Variants in ROCK1 observed in about 807,000 individuals in gnomAD.
ROCK1 encodes rho-associated protein kinase 1.
ROCK1 carries 36 observed loss-of-function variants against 196.8 expected under a neutral mutation model. That is an observed-to-expected ratio of 0.18 (90% confidence interval 0.14 to 0.24). The LOEUF is 0.24. Among genes scored for constraint, ROCK1 ranks in the 10% least tolerant of loss-of-function variants. The pLI, the probability that ROCK1 is intolerant of heterozygous loss-of-function variation, is 1.00. For missense variants in ROCK1, 920 were observed against 1,562.0 expected (o/e 0.59, Z 6.93); for synonymous variants, 443 against 515.9 (o/e 0.86, Z 1.91).
chr18:21,097,239 C>T (rs2036620228), intron 1 of ROCK1, among the ~76,000 whole-genome samples: 1 of 152,176 alleles, frequency 6.6e-6, no homozygotes, highest in Non-Finnish European at 1.5e-5. Context: ...TGGAAAGCTG[C>T]TACGCTGTCC....
intron 11 of ROCK1, among the ~76,000 whole-genome samples, chr18:21,023,339 T>A (rs1429111443): frequency 6.6e-6 from 1 of 152,262 alleles, no homozygotes; most frequent in South Asian, 2.1e-4. Context: ...TAATGATACA[T>A]TGATATATCA....
chr18:20,969,247 T>G (rs754152502), intron 23 of ROCK1, 39 bp from the exon 24 acceptor site: 6 of 1,276,850 alleles, frequency 4.7e-6, no homozygotes, highest in Non-Finnish European at 6.7e-6. Context: ...CCAGCCTCTT[T>G]GCTATTCTCG....
chr18:20,972,744 G>C (rs1326168989), intron 22 of ROCK1, among the ~76,000 whole-genome samples: 1 of 152,190 alleles, frequency 6.6e-6, no homozygotes, highest in Non-Finnish European at 1.5e-5. Context: ...GAGTTGTTCT[G>C]TTAGCATGAT....
chr18:20,991,338 G>T lies in ROCK1; in HGVS notation c.1993-12C>A. 6.4e-7 allele frequency: 1 copy of T among 1,564,614 alleles called. No individual in the cohort carries two copies. ...AAATTATTCTTTTCCTGTAAAATGG[G>T]AGTAGGAGTCATGTAATAAACTGTG... On this transcript the variant is annotated splice_polypyrimidine_tract_variant and intron_variant, in intron 17 of 32. Transcript: ENST00000399799.
intron 5 of ROCK1, 61 bp from the exon 6 acceptor site, chr18:21,044,247 T>A: frequency 8.0e-7 from 1 of 1,255,300 alleles, no homozygotes. Flanking sequence ...GTAAAAATTA[T>A]ATGAGGCAGT....
intron 27 of ROCK1, among the ~76,000 whole-genome samples, chr18:20,963,778 C>A (rs952248954): frequency 1.3e-5 from 2 of 152,002 alleles, no homozygotes; most frequent in Admixed American, 1.3e-4. Context: ...CAACAGGCAC[C>A]CATAACCGTA....
intron 18 of ROCK1, among the ~76,000 whole-genome samples, chr18:20,990,592 G>C (rs2143406137): frequency 6.7e-6 from 1 of 149,292 alleles, no homozygotes; most frequent in South Asian, 2.2e-4. Context: ...TACTCGGGAG[G>C]CTGAGGCAGG....
chr18:21,052,598 G>A (rs552638780), intron 2 of ROCK1, among the ~76,000 whole-genome samples: 1 of 152,254 alleles, frequency 6.6e-6, no homozygotes, highest in East Asian at 1.9e-4. Flanking sequence ...CATGAGGTGA[G>A]CAGTGGGTAG....
intron 2 of ROCK1, among the ~76,000 whole-genome samples, chr18:21,064,480 A>G (rs1341023881): frequency 6.6e-6 from 1 of 152,218 alleles, no homozygotes; most frequent in Non-Finnish European, 1.5e-5. Flanking sequence ...AGTTTCTAAG[A>G]AAAACAGTCT....
In ROCK1 at chr18:21,053,348, C is replaced by T. The variant is rs190167782; in HGVS notation, c.176-3468G>A. The stretch of plus-strand genomic sequence containing the variant: ...AGAAATTTTACTGGGATGAGATACT[C>T]TGTTTTAAATTTTCTATTTTTTCTC... On this transcript the variant is annotated intron_variant, in intron 2 of 32. Transcript: ENST00000399799. 2.7e-3 allele frequency among the ~76,000 whole-genome samples: 408 copies of T among 151,944 alleles called. 7 individuals carry two copies. Among genetic ancestry groups the T allele is most frequent in the Admixed American group, 0.023 (354 of 15,262 alleles).
chr18:20,971,313 C>CACAA (rs1274298886), intron 22 of ROCK1, among the ~76,000 whole-genome samples: 1 of 29,360 alleles, frequency 3.4e-5, no homozygotes, highest in Non-Finnish European at 9.2e-5. Flanking sequence ...CATACACACA[C>CACAA]ACACACACAC....
chr18:21,028,219 C>T (rs1429062433), intron 10 of ROCK1, among the ~76,000 whole-genome samples: 2 of 150,978 alleles, frequency 1.3e-5, no homozygotes, highest in Admixed American at 6.6e-5. Context: ...AGTTCAAGAC[C>T]AGCCTGGCCA....
At chr18:21,061,453 A>G (rs1190495120) in intron 2 of ROCK1, among the ~76,000 whole-genome samples, 1 of 152,226 alleles carries the variant, frequency 6.6e-6, no homozygotes, top group Non-Finnish European at 1.5e-5. Flanking sequence ...ATTTAATGAC[A>G]TTCTGGAAAA....
At chr18:20,990,864 G>A (rs559914244) in intron 18 of ROCK1, among the ~76,000 whole-genome samples, 70 of 151,248 alleles carry the variant, frequency 4.6e-4, no homozygotes, top group Non-Finnish European at 6.3e-4. Flanking sequence ...GGGTTCAAGC[G>A]ATTCTCCTGC....
rs537303819 is a variant in ROCK1 at position 21,034,318 on chromosome 18, T to C, written c.1051+5154A>G. ...AACCCATTATAAAATTCATATGAAATCTCATGAGATCCCAAATAGTCAAAA... is the reference window on the plus strand; with the variant it reads ...AACCCATTATAAAATTCATATGAAACCTCATGAGATCCCAAATAGTCAAAA... On this transcript the variant is annotated intron_variant, in intron 9 of 32. Coordinates refer to ENST00000399799, the MANE Select transcript of ROCK1 (RefSeq NM_005406.3). Among the ~76,000 whole-genome samples the C allele has an allele frequency of 2.0e-5, 3 of 152,240 alleles. No individual in the cohort carries two copies. In the South Asian group the frequency reaches 6.2e-4, roughly 32 times the overall value.
At chr18:21,028,673 G>A in intron 10 of ROCK1, 103 bp downstream of exon 10, 2 of 955,170 alleles carry the variant, frequency 2.1e-6, no homozygotes. Flanking sequence ...GCATAATAAG[G>A]TGTATCTTTA....
At chr18:21,026,939 C>CTTT (rs1208782541) in intron 10 of ROCK1, among the ~76,000 whole-genome samples, 1 of 136,282 alleles carries the variant, frequency 7.3e-6, no homozygotes. Flanking sequence ...CTTTTTCTTT[C>CTTT]TTTTTTTTTT....
At position 20,954,687 on chromosome 18, in the gene ROCK1, T is replaced by C; in HGVS notation, c.3853+96A>G. The stretch of plus-strand genomic sequence containing the variant: ...CAAAATAATACTTTCTATAATCTCT[T>C]TTCAACTTGGTATAGAAATCACTAC... On this transcript the variant is annotated intron_variant, in intron 31 of 32. Coordinates refer to ENST00000399799, the MANE Select transcript of ROCK1 (RefSeq NM_005406.3). 4 of 1,257,478 alleles carry C rather than the reference T, an allele frequency of 3.2e-6. No individual in the cohort carries two copies. In the South Asian group the frequency reaches 6.2e-5, roughly 20 times the overall value. 77.9% of individuals were successfully genotyped at this position (1,257,478 alleles called of 1,614,324 possible).
intron 3 of ROCK1, 133 bp from the exon 4 acceptor site, chr18:21,049,362 C>A (rs1355281997): frequency 2.9e-6 from 2 of 693,210 alleles, no homozygotes; most frequent in African/African-American, 3.7e-5. Context: ...ATTTTTATTT[C>A]TTCTCTTCTG....
Sources: gnomAD v4.1 joint callset for allele counts (sites outside exome capture counted in the v4.1 genomes callset) on GRCh38, gnomAD v4.1.1 for gene constraint, MANE v1.5 for transcripts, NCBI Gene and HGNC (gene_info 2026-07-23, HGNC 2026-07-21) for gene names.